The following CFAP61 variants were observed in gnomAD, a reference collection of about 807,000 sequenced individuals.
CFAP61 encodes cilia- and flagella-associated protein 61.
Under a neutral mutation model 135.6 loss-of-function variants are expected in CFAP61, and 107 were observed. The ratio of observed to expected loss-of-function variants is 0.79; its 90% CI spans 0.67 to 0.93. The LOEUF is 0.93. Ranked by LOEUF, CFAP61 falls within the 40% of genes least tolerant of loss-of-function variation. The pLI, the probability that CFAP61 is intolerant of heterozygous loss-of-function variation, is 0.00. For missense variants in CFAP61, 1,507 were observed against 1,556.2 expected (o/e 0.97, Z 0.53); for synonymous variants, 575 against 578.5 (o/e 0.99, Z 0.09).
In CFAP61 at chr20:20,075,180, C is replaced by T. The variant is rs199811958; in HGVS notation, c.372-9C>T. 1 of 1,613,824 alleles carries T rather than the reference C, an allele frequency of 6.2e-7. No homozygotes were observed. Among genetic ancestry groups the T allele is most frequent in the East Asian group, 2.2e-5 (1 of 44,870 alleles). On this transcript the variant is annotated splice_polypyrimidine_tract_variant and intron_variant, in intron 4 of 26. Coordinates refer to ENST00000245957, the MANE Select transcript of CFAP61 (RefSeq NM_015585.4). ...AGTAACACTGCCCCACCCTCTCTTT[C>T]CTCACCAGAACCGTGTATAAGGCAG...
intron 17 of CFAP61, among the ~76,000 whole-genome samples, chr20:20,208,762 G>C (rs1289897171): frequency 3.3e-5 from 5 of 152,220 alleles, no homozygotes; most frequent in Admixed American, 2.6e-4. Context: ...TGCGAGAAGA[G>C]CTCTTGCCTC....
chr20:20,304,427 A>C (rs2056328586), intron 25 of CFAP61, among the ~76,000 whole-genome samples: 1 of 152,010 alleles, frequency 6.6e-6, no homozygotes, highest in African/African-American at 2.4e-5. Context: ...AAAGTCACAC[A>C]AATATGTTAC....
chr20:20,121,269 C>T (rs994898510), intron 8 of CFAP61, among the ~76,000 whole-genome samples: 1 of 151,334 alleles, frequency 6.6e-6, no homozygotes, highest in East Asian at 1.9e-4. Flanking sequence ...CTGCAACTGG[C>T]TAATTTTTTT....
At chr20:20,326,572 T>C (rs1254805150) in intron 25 of CFAP61, among the ~76,000 whole-genome samples, 1 of 152,198 alleles carries the variant, frequency 6.6e-6, no homozygotes, top group Non-Finnish European at 1.5e-5. Flanking sequence ...GTAGAGATAA[T>C]TTTCCCAACA....
rs556848193 is a variant in CFAP61, at chr20:20,224,754, G to T, written c.1933-3495G>T. On this transcript the variant is annotated intron_variant, in intron 17 of 26. Transcript: ENST00000245957. ...CTAACCTAATGCCATTAGAAAAATA[G>T]AAATGTCTTGAAAGGATGTGGAGGT... 8.4e-4 allele frequency among the ~76,000 whole-genome samples: 128 copies of T among 152,280 alleles called. 1 individual carries two copies. Among genetic ancestry groups the T allele is most frequent in the African/African-American group, 2.9e-3 (121 of 41,564 alleles).
chr20:20,174,501 G>A (rs562868563), intron 13 of CFAP61, among the ~76,000 whole-genome samples: 2 of 152,296 alleles, frequency 1.3e-5, no homozygotes, highest in Admixed American at 1.3e-4. Context: ...CTTATTATAA[G>A]CATAAAAAGC....
intron 13 of CFAP61, 103 bp from the exon 14 acceptor site, chr20:20,187,827 G>T (rs536986881): frequency 8.2e-6 from 7 of 851,276 alleles, no homozygotes; most frequent in East Asian, 2.5e-5. Context: ...TACTTTACTG[G>T]ATATTATTTT....
At position 20,196,712 on chromosome 20, in the gene CFAP61, T is replaced by G. The variant is rs887499515; in HGVS notation, c.1733T>G (p.Ile578Ser). 6.2e-7 allele frequency: 1 copy of G among 1,614,184 alleles called. No individual in the cohort carries two copies. The highest frequency in any genetic ancestry group is 8.5e-7 in the Non-Finnish European group (1 of 1,180,044). The change falls in exon 16 of 27, where the codon ATC becomes AGC. Residue 578 changes from isoleucine (I) to serine (S), a missense_variant. By Grantham distance (142) the Ile-to-Ser change is moderately radical. Coordinates refer to ENST00000245957, the MANE Select transcript of CFAP61 (RefSeq NM_015585.4). ...TACACCAAGTTCTTTCTGAAGGAGA[T>G]CCTGCGTTTAGGCTTTAAATCCTGT... is the stretch of plus-strand genomic sequence containing the variant. ...RHYTKFFLKE[I>S]LRLGFKSCLY...
intron 25 of CFAP61, among the ~76,000 whole-genome samples, chr20:20,298,852 C>T (rs956632890): frequency 2.0e-5 from 3 of 152,148 alleles, no homozygotes; most frequent in South Asian, 2.1e-4. Flanking sequence ...ATTTGTCCAG[C>T]GTTTTGGTAA....
intron 9 of CFAP61, among the ~76,000 whole-genome samples, chr20:20,151,661 C>G (rs992200219): frequency 6.6e-6 from 1 of 151,566 alleles, no homozygotes; most frequent in Non-Finnish European, 1.5e-5. Flanking sequence ...CCCGTCTCTA[C>G]TAAAAATACA....
At chr20:20,064,633 ATTG>A (rs2045099590) in intron 2 of CFAP61, among the ~76,000 whole-genome samples, 1 of 152,098 alleles carries the variant, frequency 6.6e-6, no homozygotes, top group Non-Finnish European at 1.5e-5. Context: ...AAATTTATAG[ATTG>A]TTTATTTCTG....
At chr20:20,146,947 C>A (rs186365210) in intron 9 of CFAP61, among the ~76,000 whole-genome samples, 1 of 152,150 alleles carries the variant, frequency 6.6e-6, no homozygotes, top group Admixed American at 6.5e-5. Context: ...ATCACTCTTA[C>A]GCCTTTGCAT....
intron 9 of CFAP61, among the ~76,000 whole-genome samples, chr20:20,157,108 T>C (rs1371342260): frequency 6.6e-6 from 1 of 152,192 alleles, no homozygotes; most frequent in Non-Finnish European, 1.5e-5. Flanking sequence ...TCTCTCTCTC[T>C]ATTGCCCAGG....
chr20:20,074,011 G>GCT (rs2146575149), intron 3 of CFAP61: 1 of 404,988 alleles, frequency 2.5e-6, no homozygotes, highest in South Asian at 3.2e-5. Context: ...TCCCCTGCAG[G>GCT]CTCTCCCGCA....
chr20:20,311,057 T>C (rs879636146), intron 25 of CFAP61, among the ~76,000 whole-genome samples: 1 of 152,226 alleles, frequency 6.6e-6, no homozygotes, highest in Non-Finnish European at 1.5e-5. Context: ...ATTGTAGTCT[T>C]TCCCTTCCCG....
chr20:20,102,269 A>G (rs2048080657), intron 8 of CFAP61, among the ~76,000 whole-genome samples: 1 of 152,236 alleles, frequency 6.6e-6, no homozygotes, highest in Non-Finnish European at 1.5e-5. Flanking sequence ...GAGGCAAGTG[A>G]GACCAAGACA....
intron 25 of CFAP61, chr20:20,322,647 T>G: frequency 1.0e-6 from 1 of 983,770 alleles, no homozygotes; most frequent in Non-Finnish European, 1.2e-6. Flanking sequence ...TCCCTTCCAG[T>G]CCCATGGTGG....
intron 11 of CFAP61, among the ~76,000 whole-genome samples, chr20:20,165,009 T>G (rs908189753): frequency 3.3e-5 from 5 of 152,176 alleles, no homozygotes; most frequent in Admixed American, 3.3e-4. Context: ...CATGATTCAG[T>G]TATCTCCCAC....
At chr20:20,261,431 G>A (rs2052196226) in intron 20 of CFAP61, among the ~76,000 whole-genome samples, 1 of 152,118 alleles carries the variant, frequency 6.6e-6, no homozygotes, top group Admixed American at 6.5e-5. Flanking sequence ...TTGCCTCACA[G>A]CCCTGAGGTC....
Sources: gnomAD v4.1 joint callset for allele counts (sites outside exome capture counted in the v4.1 genomes callset) on GRCh38, gnomAD v4.1.1 for gene constraint, MANE v1.5 for transcripts, NCBI Gene and HGNC (gene_info 2026-07-23, HGNC 2026-07-21) for gene names.